Variants in GRTP1 observed in about 807,000 individuals in gnomAD.
GRTP1 encodes growth hormone-regulated TBC protein 1.
GRTP1 carries 56 observed loss-of-function variants against 38.1 expected under a neutral mutation model. The observed-to-expected ratio is 1.47, with a 90% CI of 1.19 to 1.84. The LOEUF (loss-of-function observed/expected upper bound fraction) is 1.84. Among genes scored for constraint, GRTP1 ranks in the 40% most tolerant of loss-of-function variants. GRTP1 has a pLI of 0.00. For synonymous variants in GRTP1, 217 were observed against 189.5 expected (o/e 1.14, Z -1.19); for missense variants, 506 against 453.9 (o/e 1.11, Z -1.04).
chr13:113,325,217 C>G (rs577999157), intron 7 of GRTP1: 286 of 1,141,056 alleles, frequency 2.5e-4, no homozygotes, highest in Middle Eastern at 7.5e-4. Flanking sequence ...CGAGCCTCCA[C>G]TCCCTCTTAG....
chr13:113,330,287 G>A (rs2042842745), intron 5 of GRTP1, among the ~76,000 whole-genome samples: 1 of 136,438 alleles, frequency 7.3e-6, no homozygotes, highest in Non-Finnish European at 1.6e-5. Flanking sequence ...GTGTGTGCGT[G>A]GAAACTCAGG....
At chr13:113,326,832 C>T (rs185551225) in intron 5 of GRTP1, among the ~76,000 whole-genome samples, 10 of 152,280 alleles carry the variant, frequency 6.6e-5, no homozygotes, top group East Asian at 1.9e-4. Flanking sequence ...AATGTCCACA[C>T]GACGGAATAT....
intron 2 of GRTP1, chr13:113,355,829 C>G (rs1316685672): frequency 5.7e-6 from 1 of 176,054 alleles, no homozygotes; most frequent in Non-Finnish European, 1.2e-5. Flanking sequence ...CAGTGAGAGG[C>G]CCAGCTGAGT....
intron 4 of GRTP1, among the ~76,000 whole-genome samples, chr13:113,346,275 TCTGTGGCTGAGCGGATCTGGGAGGAC>T (rs2043129605): frequency 1.0e-5 from 1 of 95,318 alleles, no homozygotes; most frequent in African/African-American, 4.9e-5. Context: ...CGGGAGGACC[TCTGTGGCTGAGCGGATCTGGGAGGAC>T]CTCTGTGGCA....
intron 5 of GRTP1, among the ~76,000 whole-genome samples, chr13:113,338,704 T>C (rs2042987797): frequency 6.6e-6 from 1 of 152,000 alleles, no homozygotes; most frequent in South Asian, 2.1e-4. Flanking sequence ...GGAGCTTTCG[T>C]TTTGTGTCAC....
chr13:113,363,988 C>T, intron 1 of GRTP1, 32 bp downstream of exon 1: 2 of 1,497,094 alleles, frequency 1.3e-6, no homozygotes, highest in Non-Finnish European at 1.8e-6. Context: ...GGACCGCAGC[C>T]GCCGGGGACG....
chr13:113,352,358 TTTTA>T lies in GRTP1; in HGVS notation c.341-1389_341-1386del, dbSNP rs1356964980. ...TATTTTATATATATATTTATATATATTTTATATATATATATATATTTATATATAT... is the reference window on the plus strand; with the variant it reads ...TATTTTATATATATATTTATATATATTATATATATATATATTTATATATAT... On this transcript the variant is annotated intron_variant, in intron 3 of 7. Coordinates refer to ENST00000375431, the MANE Select transcript of GRTP1 (RefSeq NM_024719.4). Among the ~76,000 whole-genome samples, 110 of 19,044 alleles carry T rather than the reference TTTTA, an allele frequency of 5.8e-3. 1 individual carries two copies. The highest frequency in any genetic ancestry group is 0.014 in the African/African-American group (73 of 5,256). 12.5% of individuals were successfully genotyped at this position (19,044 alleles called of 152,430 possible).
chr13:113,329,307 G>C lies in GRTP1; in HGVS notation c.563-3216C>G, dbSNP rs533369959. Among the ~76,000 whole-genome samples, 4 of 152,334 alleles carry C rather than the reference G, an allele frequency of 2.6e-5. No homozygotes were observed. The East Asian group carries it at 7.7e-4, about 29-fold the overall frequency. On this transcript the variant is annotated intron_variant, in intron 5 of 7. Coordinates refer to ENST00000375431, the MANE Select transcript of GRTP1 (RefSeq NM_024719.4). The stretch of plus-strand genomic sequence containing the variant: ...AAAATTACCGCATTGGCCGGGTGCA[G>C]TGGCTCACACCTGTAATCGCAGCAC...
At chr13:113,328,195 G>A (rs2042803730) in intron 5 of GRTP1, among the ~76,000 whole-genome samples, 1 of 152,134 alleles carries the variant, frequency 6.6e-6, no homozygotes, top group South Asian at 2.1e-4. Flanking sequence ...GTCCTTCTGG[G>A]GACATCCACG....
chr13:113,332,485 AG>A (rs988012833), intron 5 of GRTP1, among the ~76,000 whole-genome samples: 1 of 151,890 alleles, frequency 6.6e-6, no homozygotes, highest in African/African-American at 2.4e-5. Context: ...TGTGAGGCAG[AG>A]CTGCACACTC....
rs756983109 is a variant in GRTP1, at chr13:113,355,279, C to T, written c.340+44G>A. 1.2e-5 allele frequency: 19 copies of T among 1,598,352 alleles called. No homozygotes were observed. In the African/African-American group the frequency reaches 1.5e-4, roughly 12 times the overall value. On this transcript the variant is annotated intron_variant, in intron 3 of 7. Transcript: ENST00000375431. ...ACACTGGGTGGAAACCGGTTCCTTC[C>T]GGCCCCCGGGCCCTGCACCAGAGCT...
chr13:113,325,315 T>C (rs1224796968), intron 7 of GRTP1: 1 of 1,367,202 alleles, frequency 7.3e-7, no homozygotes, highest in African/African-American at 1.5e-5. Context: ...AACGCCCTCA[T>C]CAGGACCTGA....
intron 5 of GRTP1, among the ~76,000 whole-genome samples, chr13:113,329,565 C>A (rs1163598150): frequency 8.5e-5 from 13 of 152,114 alleles, no homozygotes; most frequent in Admixed American, 8.5e-4. Context: ...GCCTGGGCAA[C>A]AGAGTGAAAC....
At position 113,341,486 on chromosome 13, in the gene GRTP1, C is replaced by T. The variant is rs1329984780; in HGVS notation, c.562+3377G>A. On this transcript the variant is annotated intron_variant, in intron 5 of 7. Transcript: ENST00000375431. The stretch of plus-strand genomic sequence containing the variant: ...TTCACCATGTTGGTCAGGCTGGTCT[C>T]GAACTCCTGACGTCAGGTGATCCTC... Among the ~76,000 whole-genome samples the T allele has an allele frequency of 1.1e-4, 16 of 152,194 alleles. No homozygotes were observed. In the East Asian group the frequency reaches 2.5e-3, roughly 24 times the overall value.
intron 5 of GRTP1, among the ~76,000 whole-genome samples, chr13:113,331,846 G>A (rs112424731): frequency 6.6e-6 from 1 of 150,588 alleles, no homozygotes; most frequent in Non-Finnish European, 1.5e-5. Flanking sequence ...TAGTAGAGAC[G>A]GGGTTTCATC....
chr13:113,346,022 A>AGTG (rs2043103620), intron 4 of GRTP1, among the ~76,000 whole-genome samples: 1 of 82,536 alleles, frequency 1.2e-5, no homozygotes, highest in African/African-American at 4.5e-5. Flanking sequence ...GCGGCTGAGC[A>AGTG]GACCTGGGAA....
intron 3 of GRTP1, among the ~76,000 whole-genome samples, chr13:113,354,124 G>C (rs1259959923): frequency 4.6e-5 from 7 of 152,184 alleles, no homozygotes; most frequent in African/African-American, 1.7e-4. Flanking sequence ...GACTTTAAAT[G>C]CATTTTTCAG....
rs1167592803 is a variant in GRTP1 at position 113,349,656 on chromosome 13, G to A, written c.465+1193C>T. Among the ~76,000 whole-genome samples, 4 of 152,228 alleles carry A rather than the reference G, an allele frequency of 2.6e-5. No homozygotes were observed. The highest frequency in any genetic ancestry group is 1.9e-4 in the East Asian group (1 of 5,190). The stretch of plus-strand genomic sequence containing the variant: ...ACGTGGAACAGCTGGTGAGGACAGC[G>A]TGGTCCCGTGGCTCTGCTGCTGGCC... On this transcript the variant is annotated intron_variant, in intron 4 of 7. Coordinates refer to ENST00000375431, the MANE Select transcript of GRTP1 (RefSeq NM_024719.4). The surrounding 1 kb of genome is among the most constrained non-coding windows in gnomAD (Gnocchi z 5.0).
intron 5 of GRTP1, among the ~76,000 whole-genome samples, chr13:113,334,769 C>T (rs759725038): frequency 1.3e-5 from 2 of 152,178 alleles, no homozygotes; most frequent in Non-Finnish European, 2.9e-5. Context: ...CACAGCCCGG[C>T]AGTGGAGGAC....
Sources: allele counts gnomAD v4.1 joint callset (sites outside exome capture counted in the v4.1 genomes callset), GRCh38; gene constraint gnomAD v4.1.1; non-coding constraint Gnocchi (gnomAD v3.1); transcripts MANE v1.5; gene names NCBI Gene and HGNC (gene_info 2026-07-23, HGNC 2026-07-21).